Variants in SLC24A3 observed in about 807,000 individuals in gnomAD.
SLC24A3 encodes the protein solute carrier family 24 member 3.
In SLC24A3, 28 loss-of-function variants were observed where a neutral mutation model predicts 75.8. The ratio of observed to expected loss-of-function variants is 0.37; its 90% CI spans 0.27 to 0.51. SLC24A3 has a LOEUF of 0.51. Ranked by LOEUF, SLC24A3 falls within the 20% of genes least tolerant of loss-of-function variation. The pLI is 0.94. For synonymous variants in SLC24A3, 372 were observed against 334.1 expected, an observed-to-expected ratio of 1.11 and a Z score of -1.24; for missense variants, 663 against 847.8, an observed-to-expected ratio of 0.78 and a Z score of 2.71.
intron 2 of SLC24A3, among the ~76,000 whole-genome samples, chr20:19,302,112 C>T (rs1254554675): frequency 6.6e-6 from 1 of 152,214 alleles, no homozygotes; most frequent in African/African-American, 2.4e-5. Context: ...AGTTAAATCT[C>T]AGCTACACCT....
At chr20:19,561,457 A>C (rs2030873644) in intron 3 of SLC24A3, among the ~76,000 whole-genome samples, 1 of 151,508 alleles carries the variant, frequency 6.6e-6, no homozygotes, top group Admixed American at 6.6e-5. Flanking sequence ...TCAAAGGAAG[A>C]AAAATAAACC....
At chr20:19,652,677 C>T (rs1471110870) in intron 6 of SLC24A3, among the ~76,000 whole-genome samples, 1 of 152,142 alleles carries the variant, frequency 6.6e-6, no homozygotes, top group African/African-American at 2.4e-5. Flanking sequence ...AAGAGACTGG[C>T]CTTGTTATTC....
intron 2 of SLC24A3, among the ~76,000 whole-genome samples, chr20:19,303,858 C>T (rs557374666): frequency 6.4e-4 from 97 of 152,276 alleles, no homozygotes; most frequent in African/African-American, 2.2e-3. Flanking sequence ...GCATGAACAG[C>T]GTTGTTGCCA....
chr20:19,566,189 G>A (rs1175612821), intron 3 of SLC24A3, among the ~76,000 whole-genome samples: 2 of 152,236 alleles, frequency 1.3e-5, no homozygotes. Flanking sequence ...CAAGGGAGAA[G>A]GATCTGAGAA....
At chr20:19,562,575 G>T (rs1403719410) in intron 3 of SLC24A3, among the ~76,000 whole-genome samples, 1 of 152,196 alleles carries the variant, frequency 6.6e-6, no homozygotes, top group Non-Finnish European at 1.5e-5. Context: ...ATTTTAATGG[G>T]TTGTCATTGA....
intron 14 of SLC24A3, among the ~76,000 whole-genome samples, chr20:19,697,179 T>A (rs1447799984): frequency 6.6e-6 from 1 of 152,048 alleles, no homozygotes; most frequent in Non-Finnish European, 1.5e-5. Context: ...TTGAAAGGTT[T>A]CCTGGGCTCA....
intron 3 of SLC24A3, among the ~76,000 whole-genome samples, chr20:19,525,564 A>T (rs546481750): frequency 5.8e-4 from 89 of 152,232 alleles, no homozygotes; most frequent in African/African-American, 2.0e-3. Flanking sequence ...GAGGAGGGGC[A>T]TCTATCCACC....
intron 1 of SLC24A3, 119 bp downstream of exon 1, chr20:19,213,103 G>T: frequency 3.6e-6 from 4 of 1,102,978 alleles, no homozygotes; most frequent in Non-Finnish European, 4.5e-6. Context: ...AGCGGGCTGG[G>T]TTGGCGGGGG....
chr20:19,543,158 G>A (rs541842701), intron 3 of SLC24A3, among the ~76,000 whole-genome samples: 1 of 152,252 alleles, frequency 6.6e-6, no homozygotes, highest in African/African-American at 2.4e-5. Flanking sequence ...GAGTAAAAAA[G>A]AGCTTTATAA....
chr20:19,372,351 TACACAAGAAAG>T (rs1229960325), intron 2 of SLC24A3, among the ~76,000 whole-genome samples: 2 of 152,160 alleles, frequency 1.3e-5, no homozygotes, highest in Non-Finnish European at 2.9e-5. Flanking sequence ...CCTCATGAGG[TACACAAGAAAG>T]ACAGGAACAT....
At chr20:19,674,566 A>G (rs1201968519) in intron 9 of SLC24A3, among the ~76,000 whole-genome samples, 1 of 152,178 alleles carries the variant, frequency 6.6e-6, no homozygotes, top group Admixed American at 6.5e-5. Flanking sequence ...ACCTTTTATA[A>G]TATCCCAGAA....
intron 2 of SLC24A3, among the ~76,000 whole-genome samples, chr20:19,432,444 C>A (rs1444566628): frequency 6.6e-6 from 1 of 152,170 alleles, no homozygotes; most frequent in East Asian, 1.9e-4. Flanking sequence ...TTTCAGTTCA[C>A]CTATTGAACT....
At chr20:19,586,749 G>T (rs750248158) in intron 6 of SLC24A3, among the ~76,000 whole-genome samples, 1 of 152,168 alleles carries the variant, frequency 6.6e-6, no homozygotes, top group Non-Finnish European at 1.5e-5. Flanking sequence ...AGGGACACCT[G>T]GATCTCATCG....
intron 2 of SLC24A3, among the ~76,000 whole-genome samples, chr20:19,416,248 A>C (rs1348449795): frequency 6.6e-6 from 1 of 152,194 alleles, no homozygotes; most frequent in Non-Finnish European, 1.5e-5. Flanking sequence ...AAACAAAAAC[A>C]ACACAATCAT....
chr20:19,595,577 C>T (rs1231004094), intron 6 of SLC24A3, among the ~76,000 whole-genome samples: 17 of 152,158 alleles, frequency 1.1e-4, no homozygotes, highest in Admixed American at 9.8e-4. Context: ...GCATTTGAGA[C>T]ACAGTCATGA....
intron 1 of SLC24A3, among the ~76,000 whole-genome samples, chr20:19,268,402 C>T (rs1327819083): frequency 6.6e-6 from 1 of 152,182 alleles, no homozygotes; most frequent in Non-Finnish European, 1.5e-5. Flanking sequence ...CAGTAGCACA[C>T]AATTCTGAAG....
chr20:19,469,266 T>A (rs1436863463), intron 2 of SLC24A3, among the ~76,000 whole-genome samples: 2 of 152,066 alleles, frequency 1.3e-5, no homozygotes, highest in African/African-American at 4.8e-5. Context: ...TGACAGGAAC[T>A]TCAAAGGGTC....
chr20:19,284,684 G>A (rs1348054957), intron 2 of SLC24A3: 1 of 152,184 alleles, frequency 6.6e-6, no homozygotes, highest in African/African-American at 2.4e-5. Context: ...CACTTGTGAT[G>A]TCATGGGGCT....
At chr20:19,328,486 G>A (rs1010327528) in intron 2 of SLC24A3, among the ~76,000 whole-genome samples, 1 of 152,146 alleles carries the variant, frequency 6.6e-6, no homozygotes, top group Non-Finnish European at 1.5e-5. Flanking sequence ...AGGGTGAGGC[G>A]GTATCTGATT....
Sources: gnomAD v4.1 joint callset for allele counts (sites outside exome capture counted in the v4.1 genomes callset) on GRCh38, gnomAD v4.1.1 for gene constraint, MANE v1.5 for transcripts, NCBI Gene and HGNC (gene_info 2026-07-23, HGNC 2026-07-21) for gene names.